The following CPEB2 variants were observed in gnomAD, a reference collection of about 807,000 sequenced individuals.
CPEB2 encodes cytoplasmic polyadenylation element-binding protein 2.
In CPEB2, 56 loss-of-function variants were observed where a neutral mutation model predicts 93.6. The ratio of observed to expected loss-of-function variants is 0.60; its 90% CI spans 0.48 to 0.75. CPEB2 has a LOEUF of 0.75. Among genes scored for constraint, CPEB2 ranks in the 30% least tolerant of loss-of-function variants. The pLI, the probability that CPEB2 is intolerant of heterozygous loss-of-function variation, is 0.00. For missense variants in CPEB2, 1,579 were observed against 1,395.1 expected, an observed-to-expected ratio of 1.13 and a Z score of -2.10; for synonymous variants, 764 against 586.3, an observed-to-expected ratio of 1.30 and a Z score of -4.38.
intron 6 of CPEB2, among the ~76,000 whole-genome samples, chr4:15,051,399 T>C (rs1338629102): frequency 6.6e-6 from 1 of 152,218 alleles, no homozygotes; most frequent in African/African-American, 2.4e-5. Flanking sequence ...CTATTCCTTA[T>C]TTCTCAAGTA....
At chr4:15,019,649 A>T (rs1394665148) in intron 4 of CPEB2, among the ~76,000 whole-genome samples, 3 of 152,024 alleles carry the variant, frequency 2.0e-5, no homozygotes, top group Non-Finnish European at 2.9e-5. Context: ...AATGAATATT[A>T]TTTTATCCTT....
chr4:15,064,326 ATT>A (rs1729484405), intron 11 of CPEB2, among the ~76,000 whole-genome samples: 1 of 152,138 alleles, frequency 6.6e-6, no homozygotes, highest in Non-Finnish European at 1.5e-5. Context: ...ATTAGAGATT[ATT>A]AATGAAAAAT....
chr4:15,044,938 A>G (rs1727518168), intron 6 of CPEB2, among the ~76,000 whole-genome samples: 2 of 152,076 alleles, frequency 1.3e-5, no homozygotes, highest in Admixed American at 1.3e-4. Context: ...TATAACTACT[A>G]TTTTGCCTTT....
At chr4:15,037,423 G>A (rs1370284849) in intron 5 of CPEB2, among the ~76,000 whole-genome samples, 1 of 152,076 alleles carries the variant, frequency 6.6e-6, no homozygotes, top group Admixed American at 6.5e-5. Context: ...ACTTTAACCT[G>A]TATTTCCAGC....
intron 6 of CPEB2, 102 bp downstream of exon 6, chr4:15,040,589 T>C: frequency 1.9e-6 from 2 of 1,051,314 alleles, no homozygotes; most frequent in Non-Finnish European, 2.8e-6. Flanking sequence ...ATCTGAAAAC[T>C]CACACAATTG....
intron 4 of CPEB2, among the ~76,000 whole-genome samples, chr4:15,027,053 T>A (rs896073677): frequency 4.6e-5 from 7 of 152,222 alleles, no homozygotes; most frequent in African/African-American, 1.7e-4. Context: ...TAATATTAGT[T>A]GAATATATCT....
At chr4:15,027,776 A>G (rs1196526120) in intron 4 of CPEB2, among the ~76,000 whole-genome samples, 4 of 152,156 alleles carry the variant, frequency 2.6e-5, no homozygotes, top group Non-Finnish European at 5.9e-5. Flanking sequence ...TACCATACAT[A>G]TCATTTATTG....
chr4:15,036,551 A>G (rs1376275114), intron 5 of CPEB2, among the ~76,000 whole-genome samples: 1 of 152,230 alleles, frequency 6.6e-6, no homozygotes, highest in Non-Finnish European at 1.5e-5. Flanking sequence ...CCTGCCTTCC[A>G]TAGTAGTAAA....
At chr4:15,011,294 T>G (rs1176340148) in intron 3 of CPEB2, among the ~76,000 whole-genome samples, 1 of 151,862 alleles carries the variant, frequency 6.6e-6, no homozygotes, top group East Asian at 1.9e-4. Flanking sequence ...AGAGACAGGG[T>G]TTCACCATGT....
chr4:15,005,484 A>G (rs992717083), intron 1 of CPEB2, among the ~76,000 whole-genome samples: 3 of 152,222 alleles, frequency 2.0e-5, no homozygotes, highest in Non-Finnish European at 1.5e-5. Context: ...GGTGACCGCT[A>G]GATTGGTAAA....
Position 15,004,286 on chromosome 4 carries a change from C to A in CPEB2, c.1613C>A (p.Ala538Glu). 1.3e-6 allele frequency: 2 copies of A among 1,491,530 alleles called. No homozygotes were observed. Among genetic ancestry groups the A allele is most frequent in the Admixed American group, 2.2e-5 (1 of 45,096 alleles). 92.4% of individuals were successfully genotyped at this position (1,491,530 alleles called of 1,614,324 possible). A position where few individuals can be genotyped will look rare whatever the true frequency, so the allele number is the denominator to read the frequency against. Residue 538 changes from alanine (A) to glutamate (E), a missense_variant, in exon 1 of 12, where the codon GCG becomes GAG. By Grantham distance (107) the Ala-to-Glu change is moderately radical. Transcript: ENST00000538197. ...CCGCAGCTCCAGCAGCAGCACCAGG[C>A]GGCGGCCGCCGCCTTCCTGCAGCAG... ...VSPQLQQQHQ[A>E]AAAAFLQQRN...
chr4:15,046,292 C>A (rs1012255293), intron 6 of CPEB2, among the ~76,000 whole-genome samples: 1 of 152,068 alleles, frequency 6.6e-6, no homozygotes, highest in Non-Finnish European at 1.5e-5. Context: ...ATGGCCCGAT[C>A]TCGGCTCACT....
chr4:15,063,053 A>G (rs1162949017), intron 11 of CPEB2, among the ~76,000 whole-genome samples: 1 of 152,148 alleles, frequency 6.6e-6, no homozygotes, highest in Non-Finnish European at 1.5e-5. Flanking sequence ...GCAGAAATAC[A>G]TTAAGAATAT....
intron 4 of CPEB2, among the ~76,000 whole-genome samples, chr4:15,018,534 C>G (rs1223314743): frequency 1.4e-5 from 2 of 144,642 alleles, no homozygotes; most frequent in African/African-American, 5.1e-5. Context: ...TTTTGAGTAT[C>G]TTTGTATAGG....
At chr4:15,006,815 C>A (rs940203814) in intron 1 of CPEB2, among the ~76,000 whole-genome samples, 1 of 152,130 alleles carries the variant, frequency 6.6e-6, no homozygotes, top group Non-Finnish European at 1.5e-5. Context: ...GAGTAATTCC[C>A]ACTTTTGTAG....
At chr4:15,060,517 T>C (rs1239872290) in intron 10 of CPEB2, among the ~76,000 whole-genome samples, 1 of 152,062 alleles carries the variant, frequency 6.6e-6, no homozygotes, top group Non-Finnish European at 1.5e-5. Flanking sequence ...GACAGATGTT[T>C]ATGAGGTAGA....
intron 6 of CPEB2, among the ~76,000 whole-genome samples, chr4:15,042,269 G>C (rs1429960442): frequency 6.6e-6 from 1 of 152,086 alleles, no homozygotes; most frequent in East Asian, 1.9e-4. Flanking sequence ...TAGGAACAAG[G>C]TATTAGGAAG....
Position 15,003,232 on chromosome 4 carries a change from C to A in CPEB2, c.559C>A (p.Leu187Ile). ...QKRKEFSPPHLPHPPDSKPPP... is the reference protein window; with the variant it reads ...QKRKEFSPPHIPHPPDSKPPP... ...GAGGAAAGAGTTCAGCCCTCCCCACCTTCCCCACCCTCCGGACTCGAAGCC... is the reference window on the plus strand; with the variant it reads ...GAGGAAAGAGTTCAGCCCTCCCCACATTCCCCACCCTCCGGACTCGAAGCC... The change falls in exon 1 of 12, where the codon CTT (leucine) becomes ATT (isoleucine). Residue 187 changes from leucine (L) to isoleucine (I), a missense_variant. Around this residue, in one of 2 missense-constraint regions of CPEB2, gnomAD observed 1,411 missense variants for 1,056.0 expected, o/e 1.34. Transcript: ENST00000538197. The A allele has an allele frequency of 1.3e-6, 2 of 1,529,462 alleles. No individual in the cohort carries two copies. Among genetic ancestry groups the A allele is most frequent in the Non-Finnish European group, 1.7e-6 (2 of 1,144,476 alleles). The allele number at this position is 1,529,462 out of a possible 1,614,324, so 94.7% of individuals were successfully genotyped here.
At chr4:15,026,487 A>G (rs1259158517) in intron 4 of CPEB2, among the ~76,000 whole-genome samples, 1 of 152,114 alleles carries the variant, frequency 6.6e-6, no homozygotes, top group African/African-American at 2.4e-5. Context: ...GGGTCTCCCA[A>G]AATGCTTGGG....
Sources: gnomAD v4.1 joint callset for allele counts (sites outside exome capture counted in the v4.1 genomes callset) on GRCh38, gnomAD v4.1.1 for gene constraint, gnomAD v4.1.1 regional missense constraint, MANE v1.5 for transcripts, NCBI Gene and HGNC (gene_info 2026-07-23, HGNC 2026-07-21) for gene names.